The following MS4A7 variants were observed in gnomAD, a reference collection of about 807,000 sequenced individuals.
MS4A7 encodes membrane-spanning 4-domains subfamily A member 7.
In MS4A7, 21 loss-of-function variants were observed where a neutral mutation model predicts 23.5. That is an observed-to-expected ratio of 0.89 (90% confidence interval 0.63 to 1.29). MS4A7 has a LOEUF of 1.29. Among genes scored for constraint, MS4A7 ranks in the 50% most tolerant of loss-of-function variants. The probability of loss-of-function intolerance (pLI) is 0.00; values close to 1 mark genes in which losing one functional copy is unlikely to be tolerated. For missense variants in MS4A7, 263 were observed against 274.2 expected, an observed-to-expected ratio of 0.96 and a Z score of 0.29; for synonymous variants, 111 against 107.4, an observed-to-expected ratio of 1.03 and a Z score of -0.21.
chr11:60,383,047 T>G (rs1169204360), intron 1 of MS4A7, 82 bp from the exon 2 acceptor site: 2 of 1,449,100 alleles, frequency 1.4e-6, no homozygotes, highest in Non-Finnish European at 1.9e-6. Context: ...CCTTCTTAAG[T>G]TCCTACAAAG....
rs745702601 is a variant in MS4A7 at position 60,389,365 on chromosome 11, A to C, written c.340-25A>C. 5 of 1,583,130 alleles carry C rather than the reference A, an allele frequency of 3.2e-6. No individual in the cohort carries two copies. The African/African-American group carries it at 5.4e-5, about 17-fold the overall frequency. ...GTCACGTGCTGATTCTGTGATGAGA[A>C]CCCAATGCAGAGTTTCTCTTCCAGG... On this transcript the variant is annotated intron_variant, in intron 4 of 6. Coordinates refer to ENST00000300184, the MANE Select transcript of MS4A7 (RefSeq NM_021201.5).
rs1801005850 is a variant in MS4A7 at position 60,383,147 on chromosome 11, A to G, written c.6A>G (p.Leu2=). The part of the protein sequence containing the change: M[L]LQSQTMGVSH... ...CTTCCAGCATCATCAGCATCATGCT[A>G]TTACAATCCCAAACCATGGGGGTTT... Residue 2 remains leucine, a synonymous_variant, in exon 2 of 7, where the codon CTA becomes CTG. Coordinates refer to ENST00000300184, the MANE Select transcript of MS4A7 (RefSeq NM_021201.5). 3.1e-6 allele frequency: 5 copies of G among 1,613,730 alleles called. No individual in the cohort carries two copies. In the East Asian group the frequency reaches 8.9e-5, roughly 29 times the overall value.
In MS4A7 at chr11:60,385,163, T is replaced by C. The variant is rs1052107414; in HGVS notation, c.223T>C (p.Phe75Leu). Reference sequence around the variant, plus strand: ...GGTTTTTGCTCCCTACCCCTCCCACTTCAATCCAGCAATTTCCACCACTTT... The same window carrying C: ...GGTTTTTGCTCCCTACCCCTCCCACCTCAATCCAGCAATTTCCACCACTTT... ...ILVFAPYPSH[F>L]NPAISTTLMS... is the part of the protein sequence containing the mutation. Residue 75 changes from phenylalanine (F) to leucine (L), a missense_variant, in exon 3 of 7, where the codon TTC becomes CTC. Physicochemically the swap from Phe to Leu is conservative, Grantham distance 22. Transcript: ENST00000300184. 1 of 1,614,038 alleles carries C rather than the reference T, an allele frequency of 6.2e-7. No homozygotes were observed. The highest frequency in any genetic ancestry group is 1.3e-5 in the African/African-American group (1 of 74,910).
At position 60,393,814 on chromosome 11, in the gene MS4A7, G is replaced by T; in HGVS notation, c.676G>T (p.Asp226Tyr). 1 of 1,611,920 alleles carries T rather than the reference G, an allele frequency of 6.2e-7. No individual in the cohort carries two copies. The highest frequency in any genetic ancestry group is 8.5e-7 in the Non-Finnish European group (1 of 1,179,228). Reference protein sequence around the residue: ...GSSFSSTQSQDHIQQVKKSSS... With the variant: ...GSSFSSTQSQYHIQQVKKSSS... ...TTCATTTTCCTCGACCCAGTCACAA[G>T]ATCATATCCAACAGGTCAAAAAGAG... Residue 226 changes from aspartate (D) to tyrosine (Y), a missense_variant, in exon 7 of 7, where the codon GAT becomes TAT. Physicochemically the swap from Asp to Tyr is radical, Grantham distance 160. Coordinates refer to ENST00000300184, the MANE Select transcript of MS4A7 (RefSeq NM_021201.5).
intron 3 of MS4A7, 183 bp from the exon 4 acceptor site, chr11:60,386,534 T>C: frequency 3.9e-6 from 2 of 518,926 alleles, no homozygotes; most frequent in Non-Finnish European, 6.9e-6. Context: ...TCAAAGTCAA[T>C]ATAGACATTC....
At chr11:60,379,032 C>T (rs1003924010) in intron 1 of MS4A7, among the ~76,000 whole-genome samples, 2 of 152,220 alleles carry the variant, frequency 1.3e-5, no homozygotes, top group Non-Finnish European at 2.9e-5. Flanking sequence ...CTGTTGACCT[C>T]CATGTCATGA....
chr11:60,392,192 G>C (rs1019821912), intron 5 of MS4A7, among the ~76,000 whole-genome samples: 1 of 152,032 alleles, frequency 6.6e-6, no homozygotes, highest in Non-Finnish European at 1.5e-5. Context: ...TAAAAGGTAT[G>C]ATGGATGCAG....
At chr11:60,392,232 T>C (rs2085561039) in intron 5 of MS4A7, among the ~76,000 whole-genome samples, 1 of 151,952 alleles carries the variant, frequency 6.6e-6, no homozygotes, top group Non-Finnish European at 1.5e-5. Flanking sequence ...ACATATCTAG[T>C]AGGAGTCCCA....
At chr11:60,382,514 A>G (rs922900761) in intron 1 of MS4A7, among the ~76,000 whole-genome samples, 1 of 152,232 alleles carries the variant, frequency 6.6e-6, no homozygotes, top group Non-Finnish European at 1.5e-5. Flanking sequence ...TTAGAGCTGC[A>G]ATGGTCTAAT....
chr11:60,380,070 T>G (rs904098541), intron 1 of MS4A7, among the ~76,000 whole-genome samples: 8 of 152,254 alleles, frequency 5.3e-5, no homozygotes, highest in African/African-American at 1.9e-4. Context: ...ATATTTGTCC[T>G]TTTGTGACTG....
intron 5 of MS4A7, among the ~76,000 whole-genome samples, chr11:60,391,303 A>G (rs2085547344): frequency 6.6e-6 from 1 of 152,218 alleles, no homozygotes; most frequent in African/African-American, 2.4e-5. Context: ...TAAAAGCATT[A>G]AGTTAAAAAC....
At chr11:60,389,674 A>G (rs1389505025) in intron 5 of MS4A7, 78 bp downstream of exon 5, 3 of 1,409,450 alleles carry the variant, frequency 2.1e-6, no homozygotes, top group African/African-American at 2.8e-5. Flanking sequence ...CTTTTCTGGC[A>G]GTCTCTGGTT....
chr11:60,383,218 A>C lies in MS4A7; in HGVS notation c.77A>C (p.Lys26Thr), dbSNP rs1303923458. The C allele has an allele frequency of 6.2e-7, 1 of 1,614,068 alleles. No homozygotes were observed. Among genetic ancestry groups the C allele is most frequent in the Non-Finnish European group, 8.5e-7 (1 of 1,180,030 alleles). The change falls in exon 2 of 7, where the codon AAA (lysine) becomes ACA (threonine). Residue 26 changes from lysine to threonine, a missense_variant. By Grantham distance (78) the Lys-to-Thr change is moderately conservative (BLOSUM62 -1). Coordinates refer to ENST00000300184, the MANE Select transcript of MS4A7 (RefSeq NM_021201.5). ...PKGITIPQRE[K>T]PGHMYQNEDY... is the part of the protein sequence containing the mutation. ...GGCATCACTATCCCTCAAAGAGAGA[A>C]ACCTGGACACATGTACCAAAACGAA...
intron 5 of MS4A7, 97 bp from the exon 6 acceptor site, chr11:60,392,588 T>A (rs116930171): frequency 1.6e-5 from 13 of 821,264 alleles, no homozygotes; most frequent in Non-Finnish European, 2.6e-5. Flanking sequence ...TGTCTCCTTT[T>A]CTCTGCATTG....
chr11:60,386,187 A>G (rs1401299762), intron 3 of MS4A7, among the ~76,000 whole-genome samples: 1 of 152,180 alleles, frequency 6.6e-6, no homozygotes, highest in African/African-American at 2.4e-5. Flanking sequence ...GAGATTAAAT[A>G]CTGATTTCTG....
At chr11:60,379,705 G>A (rs2085409059) in intron 1 of MS4A7, among the ~76,000 whole-genome samples, 1 of 152,006 alleles carries the variant, frequency 6.6e-6, no homozygotes, top group African/African-American at 2.4e-5. Flanking sequence ...GCTAATTTTT[G>A]TATTTTTTTA....
rs753347235 is a variant in MS4A7, at chr11:60,392,699, G to A, written c.561G>A (p.Val187=). ...TSVSLTGVLV[V]MLIFTVLELL... is the part of the protein sequence containing the mutation. ...CTGATTTGCAGGGTGTCCTAGTGGT[G>A]ATGCTCATCTTCACTGTGCTGGAGC... The change falls in exon 6 of 7, where the codon GTG becomes GTA. Residue 187 remains valine (V), a synonymous_variant. Coordinates refer to ENST00000300184, the MANE Select transcript of MS4A7 (RefSeq NM_021201.5). The A allele has an allele frequency of 4.3e-6, 7 of 1,613,612 alleles. 1 individual carries two copies. Among genetic ancestry groups the A allele is most frequent in the Admixed American group, 1.7e-5 (1 of 59,992 alleles).
At chr11:60,382,271 C>T (rs1024305916) in intron 1 of MS4A7, among the ~76,000 whole-genome samples, 1 of 152,184 alleles carries the variant, frequency 6.6e-6, no homozygotes, top group Non-Finnish European at 1.5e-5. Flanking sequence ...GGAGAATTAA[C>T]ATGGCATAGA....
At chr11:60,392,385 T>A (rs1467587407) in intron 5 of MS4A7, among the ~76,000 whole-genome samples, 1 of 151,994 alleles carries the variant, frequency 6.6e-6, no homozygotes, top group African/African-American at 2.4e-5. Context: ...CACCTAGAAA[T>A]ATCATCATGA....
Sources: allele counts gnomAD v4.1 joint callset (sites outside exome capture counted in the v4.1 genomes callset), GRCh38; gene constraint gnomAD v4.1.1; transcripts MANE v1.5; gene names NCBI Gene and HGNC (gene_info 2026-07-23, HGNC 2026-07-21).